Variants in LRP12 observed in about 807,000 individuals in gnomAD.
The protein encoded by LRP12 is low-density lipoprotein receptor-related protein 12.
A neutral mutation model predicts 66.0 loss-of-function variants in LRP12; 14 were observed. The observed-to-expected ratio is 0.21, with a 90% CI of 0.14 to 0.33. The LOEUF (loss-of-function observed/expected upper bound fraction) is 0.33, where lower values mean the gene tolerates loss of function less well. LRP12 is among the 10% of genes least tolerant of loss of function. LRP12 has a pLI of 1.00. For missense variants in LRP12, 889 were observed against 1,053.4 expected (o/e 0.84, Z 2.16); for synonymous variants, 357 against 359.1 (o/e 0.99, Z 0.07).
At chr8:104,518,378 A>G (rs1239067634) in intron 2 of LRP12, among the ~76,000 whole-genome samples, 1 of 152,056 alleles carries the variant, frequency 6.6e-6, no homozygotes, top group Non-Finnish European at 1.5e-5. Flanking sequence ...TAAGTCTCAG[A>G]GCTGGGATGG....
intron 1 of LRP12, among the ~76,000 whole-genome samples, chr8:104,564,375 A>C (rs1456753673): frequency 6.6e-6 from 1 of 152,218 alleles, no homozygotes; most frequent in East Asian, 1.9e-4. Context: ...AGCTGTTTCT[A>C]TAAGAGCACT....
chr8:104,501,451 G>A (rs1810826513), intron 3 of LRP12, among the ~76,000 whole-genome samples: 1 of 146,668 alleles, frequency 6.8e-6, no homozygotes, highest in Admixed American at 6.6e-5. Context: ...TGTAATCCTA[G>A]AACTTTGGGA....
intron 1 of LRP12, among the ~76,000 whole-genome samples, chr8:104,581,346 C>A (rs144664699): frequency 3.6e-4 from 54 of 151,926 alleles, no homozygotes; most frequent in Middle Eastern, 6.8e-3. Flanking sequence ...GTACTATATA[C>A]GATATGATGT....
chr8:104,588,883 C>A lies in LRP12; in HGVS notation c.15G>T (p.Trp5Cys). The A allele has an allele frequency of 1.2e-6, 2 of 1,610,248 alleles. No homozygotes were observed. The highest frequency in any genetic ancestry group is 1.7e-6 in the Non-Finnish European group (2 of 1,178,572). Residue 5 changes from tryptophan to cysteine, a missense_variant, in exon 1 of 7, where the codon TGG (tryptophan) becomes TGT (cysteine). Around this residue, in one of 3 missense-constraint regions of LRP12, gnomAD observed 88 missense variants for 72.5 expected, o/e 1.21. Coordinates refer to ENST00000276654, the MANE Select transcript of LRP12 (RefSeq NM_013437.5). MACR[W>C]STKESPRWRS... ...TCCACCGCGGAGACTCTTTTGTGCT[C>A]CAGCGACAGGCCATAACCACAGCAG...
At chr8:104,551,472 T>TA (rs921274255) in intron 1 of LRP12, among the ~76,000 whole-genome samples, 3 of 152,136 alleles carry the variant, frequency 2.0e-5, no homozygotes, top group African/African-American at 7.2e-5. Flanking sequence ...ATCACCCAGA[T>TA]AGTGAGCATA....
chr8:104,526,766 G>A (rs1308830384), intron 2 of LRP12, among the ~76,000 whole-genome samples: 2 of 147,804 alleles, frequency 1.4e-5, no homozygotes, highest in Non-Finnish European at 3.0e-5. Context: ...CAGGACATAG[G>A]CATGGGCAAG....
chr8:104,500,492 A>C (rs140899187), intron 3 of LRP12, among the ~76,000 whole-genome samples: 4,662 of 152,092 alleles, frequency 0.031, 238 homozygotes, highest in African/African-American at 0.11. Context: ...CGGATCACGA[A>C]GTCAGGAGTT....
intron 2 of LRP12, among the ~76,000 whole-genome samples, chr8:104,515,081 T>C (rs769631358): frequency 6.6e-6 from 1 of 152,182 alleles, no homozygotes; most frequent in Non-Finnish European, 1.5e-5. Flanking sequence ...ATGGGAAGGA[T>C]AGGGTTGGGA....
In LRP12 at chr8:104,587,970, T is replaced by C. The variant is rs192091410; in HGVS notation, c.79+849A>G. Among the ~76,000 whole-genome samples the C allele has an allele frequency of 6.6e-5, 10 of 152,348 alleles. No homozygotes were observed. The East Asian group carries it at 1.4e-3, about 21-fold the overall frequency. On this transcript the variant is annotated intron_variant, in intron 1 of 6. Coordinates refer to ENST00000276654, the MANE Select transcript of LRP12 (RefSeq NM_013437.5). ...TAACTTAATTATCTTAAGAGATAGA[T>C]GTTCTTTGCAATTAATTCCATTCAG...
intron 6 of LRP12, among the ~76,000 whole-genome samples, chr8:104,494,088 G>C (rs1322256791): frequency 6.6e-6 from 1 of 152,078 alleles, no homozygotes; most frequent in Non-Finnish European, 1.5e-5. Flanking sequence ...CTAACTTTAT[G>C]GGGTTTAGGC....
chr8:104,523,783 T>C (rs1456404723), intron 2 of LRP12, among the ~76,000 whole-genome samples: 1 of 152,206 alleles, frequency 6.6e-6, no homozygotes, highest in African/African-American at 2.4e-5. Flanking sequence ...TGATATGTAC[T>C]GTAGACTGAG....
intron 1 of LRP12, among the ~76,000 whole-genome samples, chr8:104,565,489 T>C (rs1369312783): frequency 6.6e-6 from 1 of 152,066 alleles, no homozygotes; most frequent in Non-Finnish European, 1.5e-5. Context: ...AGCCTGGAAT[T>C]CCATATCCAG....
At chr8:104,531,220 C>A (rs188342855) in intron 2 of LRP12, among the ~76,000 whole-genome samples, 2 of 152,114 alleles carry the variant, frequency 1.3e-5, no homozygotes, top group Non-Finnish European at 2.9e-5. Context: ...AGTAAGAAAA[C>A]CTATTTCAAT....
chr8:104,584,031 A>G (rs931594794), intron 1 of LRP12, among the ~76,000 whole-genome samples: 1 of 152,064 alleles, frequency 6.6e-6, no homozygotes, highest in Admixed American at 6.5e-5. Context: ...GATAACATGT[A>G]TTTGAATAGA....
At chr8:104,504,972 C>T (rs1431666006) in intron 3 of LRP12, 1 of 152,180 alleles carries the variant, frequency 6.6e-6, no homozygotes, top group Non-Finnish European at 1.5e-5. Flanking sequence ...CCTACACTAG[C>T]TTTCTCTTGA....
Position 104,489,784 on chromosome 8 carries a change from G to A in LRP12, c.*889C>T, listed in dbSNP as rs1324053095. ...TAGTGCTTGTGCACTAAGCTCATCT[G>A]AGACCTTGATATAATTTTAGTGCAA... On this transcript the variant is annotated 3_prime_UTR_variant, in exon 7 of 7. Coordinates refer to ENST00000276654, the MANE Select transcript of LRP12 (RefSeq NM_013437.5). 1 of 152,530 alleles carries A rather than the reference G, an allele frequency of 6.6e-6. No individual in the cohort carries two copies. Among genetic ancestry groups the A allele is most frequent in the Non-Finnish European group, 1.5e-5 (1 of 68,032 alleles). 9.4% of individuals were successfully genotyped at this position (152,530 alleles called of 1,614,324 possible).
At chr8:104,547,582 T>G (rs1204309033) in intron 1 of LRP12, among the ~76,000 whole-genome samples, 9 of 122,282 alleles carry the variant, frequency 7.4e-5, no homozygotes, top group Non-Finnish European at 1.1e-4. Flanking sequence ...TATTATATAT[T>G]AATATATAAT....
rs1186840589 is a variant in LRP12, at chr8:104,489,718, T to C, written c.*955A>G. 1 of 152,246 alleles carries C rather than the reference T, an allele frequency of 6.6e-6. No individual in the cohort carries two copies. Among genetic ancestry groups the C allele is most frequent in the Non-Finnish European group, 1.5e-5 (1 of 68,020 alleles). 9.4% of individuals were successfully genotyped at this position (152,246 alleles called of 1,614,324 possible). A position where few individuals can be genotyped will look rare whatever the true frequency, so the allele number is the denominator to read the frequency against. On this transcript the variant is annotated 3_prime_UTR_variant, in exon 7 of 7. Coordinates refer to ENST00000276654, the MANE Select transcript of LRP12 (RefSeq NM_013437.5). ...CGCCCCCAGCCAAAAGCTATGGAAA[T>C]ATATAGTTGCTGTGGTAGCAAATAA...
At chr8:104,492,274 A>C (rs2140826779) in intron 6 of LRP12, among the ~76,000 whole-genome samples, 1 of 152,314 alleles carries the variant, frequency 6.6e-6, no homozygotes, top group Middle Eastern at 3.4e-3. Flanking sequence ...CATTCTTTGA[A>C]AACTAGTTAG....
Sources: gnomAD v4.1 joint callset for allele counts (sites outside exome capture counted in the v4.1 genomes callset) on GRCh38, gnomAD v4.1.1 for gene constraint, gnomAD v4.1.1 regional missense constraint, MANE v1.5 for transcripts, NCBI Gene and HGNC (gene_info 2026-07-23, HGNC 2026-07-21) for gene names.